The following BCAS3 variants were observed in gnomAD, a reference collection of about 807,000 sequenced individuals.
BCAS3 encodes BCAS3 microtubule associated cell migration factor, also known as BCAS4/BCAS3 fusion.
In BCAS3, 53 loss-of-function variants were observed where a neutral mutation model predicts 116.1. That is an observed-to-expected ratio of 0.46 (90% CI 0.37 to 0.57). The LOEUF (loss-of-function observed/expected upper bound fraction) is 0.57. Among genes scored for constraint, BCAS3 ranks in the 20% least tolerant of loss-of-function variants. BCAS3 has a pLI of 0.00. For synonymous variants in BCAS3, 391 were observed against 408.2 expected (o/e 0.96, Z 0.51); for missense variants, 917 against 1,165.4 (o/e 0.79, Z 3.10).
chr17:61,048,041 G>A (rs2068505861), intron 19 of BCAS3, among the ~76,000 whole-genome samples: 1 of 151,990 alleles, frequency 6.6e-6, no homozygotes, highest in Non-Finnish European at 1.5e-5. Context: ...ATAGAAAGGT[G>A]ACTGGGGTCC....
chr17:61,121,495 T>G (rs917257670), intron 22 of BCAS3, among the ~76,000 whole-genome samples: 1 of 152,208 alleles, frequency 6.6e-6, no homozygotes, highest in Non-Finnish European at 1.5e-5. Flanking sequence ...TGCATTTTAA[T>G]GAACTTAGAA....
intron 14 of BCAS3, among the ~76,000 whole-genome samples, chr17:60,969,236 C>T (rs912273702): frequency 6.6e-6 from 1 of 151,888 alleles, no homozygotes; most frequent in Non-Finnish European, 1.5e-5. Flanking sequence ...TCTATACCAC[C>T]GTTTTGGAAC....
chr17:60,924,383 A>G (rs753196749), intron 12 of BCAS3, 24 bp from the exon 13 acceptor site: 79 of 1,606,282 alleles, frequency 4.9e-5, no homozygotes, highest in Non-Finnish European at 6.6e-5. Flanking sequence ...ATTTACCTCC[A>G]TTTGTCTTTA....
At chr17:61,081,623 T>C (rs995929810) in intron 21 of BCAS3, among the ~76,000 whole-genome samples, 7 of 152,260 alleles carry the variant, frequency 4.6e-5, no homozygotes, top group African/African-American at 1.4e-4. Context: ...TTTTAAACTT[T>C]CAGCAGGTAA....
rs2063752956 is a variant in BCAS3, at chr17:60,995,108, G to A, written c.1486+4873G>A. 6.6e-6 allele frequency among the ~76,000 whole-genome samples: 1 copy of A among 152,148 alleles called. No homozygotes were observed. Among genetic ancestry groups the A allele is most frequent in the Admixed American group, 6.5e-5 (1 of 15,268 alleles). ...TTCTCCTGCTTCAGCCTCCTGAGTA[G>A]CTGGGATTACAGGTGCGTGCCACCA... On this transcript the variant is annotated intron_variant, in intron 15 of 23. Coordinates refer to ENST00000407086, the MANE Select transcript of BCAS3 (RefSeq NM_017679.5). This position sits in a 1 kb window ranked among gnomAD's most constrained non-coding sequence, Gnocchi z 4.7.
rs938096332 is a variant in BCAS3, at chr17:61,258,802, G to A, written c.2426-109525G>A. The stretch of plus-strand genomic sequence containing the variant: ...TCTGTGGAAGAACCACAGAACACTA[G>A]CTAAATATTGACAACTGACTATGCC... On this transcript the variant is annotated intron_variant, in intron 22 of 23. Coordinates refer to ENST00000407086, the MANE Select transcript of BCAS3 (RefSeq NM_017679.5). The surrounding 1 kb of genome is among the most constrained non-coding windows in gnomAD (Gnocchi z 4.7). Among the ~76,000 whole-genome samples, 1 of 152,198 alleles carries A rather than the reference G, an allele frequency of 6.6e-6. No homozygotes were observed. Among genetic ancestry groups the A allele is most frequent in the African/African-American group, 2.4e-5 (1 of 41,444 alleles).
intron 11 of BCAS3, among the ~76,000 whole-genome samples, chr17:60,903,708 C>T (rs940324460): frequency 2.0e-5 from 3 of 152,150 alleles, no homozygotes; most frequent in African/African-American, 7.2e-5. Context: ...GCTGGGGTTA[C>T]AGGTGTGCAT....
At chr17:61,305,465 AC>A (rs1227781470) in intron 22 of BCAS3, among the ~76,000 whole-genome samples, 1 of 152,200 alleles carries the variant, frequency 6.6e-6, no homozygotes, top group Non-Finnish European at 1.5e-5. Flanking sequence ...CACTGTGTGA[AC>A]TTGAGCAAGT....
At position 60,679,519 on chromosome 17, in the gene BCAS3, T is replaced by A; in HGVS notation, c.62T>A (p.Val21Glu). ...CCCAGTCGTTGTACTGGTGGAGTTG[T>A]GGTTCGCCCCCAGGCTGTCACGTAA... is the stretch of plus-strand genomic sequence containing the variant. The part of the protein sequence containing the change: ...RRPSRCTGGV[V>E]VRPQAVTEQS... The change falls in exon 2 of 24, where the codon GTG becomes GAG. Residue 21 changes from valine (V) to glutamate (E), a missense_variant. Around this residue, in one of 3 missense-constraint regions of BCAS3, gnomAD observed 807 missense variants for 1,026.0 expected, o/e 0.79. Transcript: ENST00000407086. 9.3e-6 allele frequency: 15 copies of A among 1,613,762 alleles called. No individual in the cohort carries two copies. The highest frequency in any genetic ancestry group is 1.2e-5 in the Non-Finnish European group (14 of 1,179,706).
intron 19 of BCAS3, among the ~76,000 whole-genome samples, chr17:61,067,726 C>CAA (rs377228440): frequency 0.022 from 2,423 of 108,866 alleles, 32 homozygotes; most frequent in Non-Finnish European, 0.028. Flanking sequence ...AACAAACAAA[C>CAA]AAAAAAAAAA....
Position 61,224,405 on chromosome 17 carries a change from A to G in BCAS3, c.2425+139841A>G, listed in dbSNP as rs1165557797. On this transcript the variant is annotated intron_variant, in intron 22 of 23. Coordinates refer to ENST00000407086, the MANE Select transcript of BCAS3 (RefSeq NM_017679.5). This position sits in a 1 kb window ranked among gnomAD's most constrained non-coding sequence, Gnocchi z 5.7. ...TATCATTCAAGCTGAGTTTTGTTAT[A>G]TGGAAATAAGAAAGGAAAGTCATCC... 1.3e-5 allele frequency among the ~76,000 whole-genome samples: 2 copies of G among 152,216 alleles called. No homozygotes were observed. Among genetic ancestry groups the G allele is most frequent in the African/African-American group, 2.4e-5 (1 of 41,472 alleles).
intron 22 of BCAS3, among the ~76,000 whole-genome samples, chr17:61,280,287 G>A (rs1380608092): frequency 6.6e-6 from 1 of 152,190 alleles, no homozygotes; most frequent in Non-Finnish European, 1.5e-5. Flanking sequence ...GCAGGATTCT[G>A]AGCAAATTCC....
intron 6 of BCAS3, among the ~76,000 whole-genome samples, chr17:60,785,919 A>ATGC (rs2046247480): frequency 6.6e-6 from 1 of 152,220 alleles, no homozygotes; most frequent in Non-Finnish European, 1.5e-5. Context: ...ATACAGTGTA[A>ATGC]TAACCATTTA....
chr17:60,973,696 G>A (rs1000402321), intron 14 of BCAS3, among the ~76,000 whole-genome samples: 3 of 151,394 alleles, frequency 2.0e-5, no homozygotes, highest in South Asian at 4.2e-4. Context: ...AGGTTCAAGC[G>A]ATTCTCCTGC....
In BCAS3 at chr17:60,994,172, T is replaced by C. The variant is rs2063700939; in HGVS notation, c.1486+3937T>C. On this transcript the variant is annotated intron_variant, in intron 15 of 23. Transcript: ENST00000407086. This position sits in a 1 kb window ranked among gnomAD's most constrained non-coding sequence, Gnocchi z 4.4. ...AGAATTACTCATATCACTTTATATATGAAATATATATCTTGAAGTATCTTG... is the reference window on the plus strand; with the variant it reads ...AGAATTACTCATATCACTTTATATACGAAATATATATCTTGAAGTATCTTG... Among the ~76,000 whole-genome samples, 1 of 152,120 alleles carries C rather than the reference T, an allele frequency of 6.6e-6. No individual in the cohort carries two copies. Among genetic ancestry groups the C allele is most frequent in the Non-Finnish European group, 1.5e-5 (1 of 67,982 alleles).
chr17:61,063,901 G>A lies in BCAS3; in HGVS notation c.2030-11019G>A, dbSNP rs781533122. On this transcript the variant is annotated intron_variant, in intron 19 of 23. Coordinates refer to ENST00000407086, the MANE Select transcript of BCAS3 (RefSeq NM_017679.5). This position sits in a 1 kb window ranked among gnomAD's most constrained non-coding sequence, Gnocchi z 5.3. ...ATACCATCTTGTCCCTTCTTAAAACGAACTATCCATTTGTAAACTGCTGAT... is the reference window on the plus strand; with the variant it reads ...ATACCATCTTGTCCCTTCTTAAAACAAACTATCCATTTGTAAACTGCTGAT... Among the ~76,000 whole-genome samples, 32 of 152,166 alleles carry A rather than the reference G, an allele frequency of 2.1e-4. No individual in the cohort carries two copies. The highest frequency in any genetic ancestry group is 6.0e-4 in the African/African-American group (25 of 41,526).
chr17:61,137,668 C>CT (rs1182216578), intron 22 of BCAS3, among the ~76,000 whole-genome samples: 1 of 152,174 alleles, frequency 6.6e-6, no homozygotes, highest in Non-Finnish European at 1.5e-5. Context: ...ACTCTGGAGG[C>CT]TGAGGCAGGA....
rs140528495 is a variant in BCAS3 at position 60,860,732 on chromosome 17, T to C, written c.477-7844T>C. Among the ~76,000 whole-genome samples, 10 of 152,288 alleles carry C rather than the reference T, an allele frequency of 6.6e-5. No individual in the cohort carries two copies. In the East Asian group the frequency reaches 1.2e-3, roughly 18 times the overall value. On this transcript the variant is annotated intron_variant, in intron 7 of 23. Transcript: ENST00000407086. ...TGGTTTGCCAGTAGTCCCACCACCA[T>C]TTATTGAATAGGGAGTTTTTTCCCT... is the stretch of plus-strand genomic sequence containing the variant.
chr17:61,176,220 A>G (rs1240585564), intron 22 of BCAS3, among the ~76,000 whole-genome samples: 1 of 149,594 alleles, frequency 6.7e-6, no homozygotes, highest in Non-Finnish European at 1.5e-5. Flanking sequence ...ATTTTCCTTT[A>G]AACTGTCAAC....
Sources: allele counts gnomAD v4.1 joint callset (sites outside exome capture counted in the v4.1 genomes callset), GRCh38; gene constraint gnomAD v4.1.1; regional missense constraint gnomAD v4.1.1; non-coding constraint Gnocchi (gnomAD v3.1); transcripts MANE v1.5; gene names NCBI Gene and HGNC (gene_info 2026-07-23, HGNC 2026-07-21).